Variants in PDE1C observed in about 807,000 individuals in gnomAD.
PDE1C encodes the protein dual specificity calcium/calmodulin-dependent 3',5'-cyclic nucleotide phosphodiesterase 1C.
A neutral mutation model predicts 93.1 loss-of-function variants in PDE1C; 62 were observed. The ratio of observed to expected loss-of-function variants is 0.67; its 90% CI spans 0.54 to 0.82. The LOEUF (loss-of-function observed/expected upper bound fraction) is 0.82, where lower values mean the gene tolerates loss of function less well. Ranked by LOEUF, PDE1C falls within the 40% of genes least tolerant of loss-of-function variation. The pLI, the probability that PDE1C is intolerant of heterozygous loss-of-function variation, is 0.00. For missense variants in PDE1C, 742 were observed against 884.6 expected, an observed-to-expected ratio of 0.84 and a Z score of 2.04; for synonymous variants, 325 against 310.1, an observed-to-expected ratio of 1.05 and a Z score of -0.50.
At chr7:31,666,291 C>T in the PDE1C span, among the ~76,000 whole-genome samples, 6,874 of 152,186 alleles carry the variant, frequency 0.045, 497 homozygotes, top group African/African-American at 0.15. Flanking sequence ...AGAAATTAAC[C>T]GGTCTTTTGT....
At chr7:31,696,400 A>G in the PDE1C span, among the ~76,000 whole-genome samples, 98 of 152,344 alleles carry the variant, frequency 6.4e-4, no homozygotes, top group Non-Finnish European at 1.2e-3. Context: ...GGGAGTTCTT[A>G]AAAAGGACTG....
chr7:31,986,756 C>T (rs1247418407), intron 2 of PDE1C, among the ~76,000 whole-genome samples: 1 of 152,056 alleles, frequency 6.6e-6, no homozygotes, highest in Non-Finnish European at 1.5e-5. Flanking sequence ...CATGGTCCCA[C>T]TAACCCCCTT....
intron 2 of PDE1C, among the ~76,000 whole-genome samples, chr7:32,039,354 T>C (rs1459209760): frequency 1.3e-5 from 2 of 152,200 alleles, no homozygotes; most frequent in Admixed American, 6.5e-5. Context: ...AGAAGGATGA[T>C]TGCACATCTC....
chr7:31,965,905 T>C (rs1184152189), intron 2 of PDE1C, among the ~76,000 whole-genome samples: 1 of 152,090 alleles, frequency 6.6e-6, no homozygotes, highest in Non-Finnish European at 1.5e-5. Context: ...GACAAGCAAA[T>C]GCTGAGAGAT....
chr7:31,640,566 A>G, the PDE1C span, among the ~76,000 whole-genome samples: 1 of 152,120 alleles, frequency 6.6e-6, no homozygotes, highest in African/African-American at 2.4e-5. Context: ...CTGGGTAACT[A>G]TAGGGTTCAG....
At chr7:32,317,955 C>T (rs1246786933) in intron 1 of PDE1C, among the ~76,000 whole-genome samples, 3 of 152,060 alleles carry the variant, frequency 2.0e-5, no homozygotes, top group African/African-American at 4.8e-5. Context: ...TGACATAGTC[C>T]GTGGAGGGTG....
intron 16 of PDE1C, chr7:31,785,588 T>C (rs1223552220): frequency 6.6e-6 from 1 of 152,198 alleles, no homozygotes; most frequent in Non-Finnish European, 1.5e-5. Context: ...TTGTTTAATA[T>C]AAAAACAAGA....
In PDE1C at chr7:32,108,694, T is replaced by C. The variant is rs545601002; in HGVS notation, c.308+61091A>G. Among the ~76,000 whole-genome samples, 13 of 152,306 alleles carry C rather than the reference T, an allele frequency of 8.5e-5. No individual in the cohort carries two copies. The East Asian group carries it at 1.5e-3, about 18-fold the overall frequency. On this transcript the variant is annotated intron_variant, in intron 3 of 18. Coordinates refer to the PDE1C transcript ENST00000396193. The stretch of plus-strand genomic sequence containing the variant: ...TTCCTTCCTTGTTCTAATAAGTGTG[T>C]AAGGTGCACTGCATGAATGTTCATG...
At chr7:32,034,767 A>T (rs1274804796) in intron 2 of PDE1C, among the ~76,000 whole-genome samples, 2 of 152,140 alleles carry the variant, frequency 1.3e-5, no homozygotes, top group African/African-American at 4.8e-5. Flanking sequence ...CAAAAGTCAA[A>T]TTGACCTCAA....
chr7:32,205,993 C>T (rs111494105), intron 2 of PDE1C, among the ~76,000 whole-genome samples: 17 of 152,258 alleles, frequency 1.1e-4, no homozygotes, highest in African/African-American at 3.4e-4. Context: ...GTCAGCGAGA[C>T]CAAGAACCCA....
the PDE1C span, among the ~76,000 whole-genome samples, chr7:31,726,038 G>A: frequency 3.9e-5 from 6 of 152,220 alleles, no homozygotes; most frequent in Non-Finnish European, 7.4e-5. Context: ...TTGTTTTCAC[G>A]TGACTTTTAC....
At chr7:32,058,966 G>GAA (rs201751388) in intron 1 of PDE1C, among the ~76,000 whole-genome samples, 5,525 of 136,520 alleles carry the variant, frequency 0.04, 111 homozygotes, top group Middle Eastern at 0.09. Context: ...TTATAAAATG[G>GAA]AAAAAAAAAA....
intron 9 of PDE1C, among the ~76,000 whole-genome samples, chr7:31,847,298 A>G (rs1792761054): frequency 6.6e-6 from 1 of 152,190 alleles, no homozygotes; most frequent in East Asian, 1.9e-4. Context: ...AATGTCATAC[A>G]GCTAGTAAGT....
chr7:32,161,847 G>A (rs1429545540), intron 3 of PDE1C, among the ~76,000 whole-genome samples: 3 of 152,182 alleles, frequency 2.0e-5, no homozygotes, highest in Admixed American at 6.5e-5. Flanking sequence ...TGTAAAATGT[G>A]CTGCTAAAAT....
At position 31,878,290 on chromosome 7, in the gene PDE1C, T is replaced by C. The variant is rs1006714487; in HGVS notation, c.426-254A>G. 3.3e-5 allele frequency among the ~76,000 whole-genome samples: 5 copies of C among 152,254 alleles called. No homozygotes were observed. The East Asian group carries it at 5.8e-4, about 18-fold the overall frequency. ...AACTCTATAGGCCCCAGACTGGAAA[T>C]TGAATTATTAAATGGGTCACTTCTT... is the stretch of plus-strand genomic sequence containing the variant. On this transcript the variant is annotated intron_variant, in intron 4 of 17. Transcript: ENST00000396191.
exon 1 of PDE1C, chr7:32,298,838 C>T (rs1223997564): frequency 4.2e-6 from 6 of 1,429,636 alleles, no homozygotes; most frequent in African/African-American, 1.5e-5. Context: ...AATCCTCCCC[C>T]GGCCGCGCCG....
intron 2 of PDE1C, among the ~76,000 whole-genome samples, chr7:32,019,150 TAAAAAAA>T (rs75146295): frequency 1.3e-4 from 16 of 118,852 alleles, no homozygotes; most frequent in African/African-American, 4.4e-4. Context: ...TATGTTGTTT[TAAAAAAA>T]AAAAAAAAAA....
chr7:32,179,965 G>C (rs1803282841), intron 2 of PDE1C, among the ~76,000 whole-genome samples: 1 of 152,118 alleles, frequency 6.6e-6, no homozygotes, highest in East Asian at 1.9e-4. Flanking sequence ...TGTGACATAG[G>C]GTTGTAGCCT....
intron 2 of PDE1C, among the ~76,000 whole-genome samples, chr7:32,007,159 G>A (rs1786385788): frequency 1.3e-5 from 2 of 152,060 alleles, no homozygotes; most frequent in Non-Finnish European, 2.9e-5. Flanking sequence ...ACTCTATTAG[G>A]ACCCAAATAG....
Sources: allele counts gnomAD v4.1 joint callset (sites outside exome capture counted in the v4.1 genomes callset), GRCh38; gene constraint gnomAD v4.1.1; transcripts MANE v1.5; gene names NCBI Gene and HGNC (gene_info 2026-07-23, HGNC 2026-07-21).